The following CDH1 variants were observed in gnomAD, a reference collection of about 807,000 sequenced individuals.
The protein encoded by CDH1 is cadherin-1.
In CDH1, 35 loss-of-function variants were observed where a neutral mutation model predicts 84.5. That is an observed-to-expected ratio of 0.41 (90% CI 0.32 to 0.55). The LOEUF (loss-of-function observed/expected upper bound fraction) is 0.55. Among genes scored for constraint, CDH1 ranks in the 20% least tolerant of loss-of-function variants. CDH1 has a pLI of 0.19. For missense variants in CDH1, 994 were observed against 1,126.6 expected (o/e 0.88, Z 1.68); for synonymous variants, 417 against 439.0 (o/e 0.95, Z 0.63).
rs946369789 is a variant in CDH1 at position 68,833,736 on chromosome 16, A to G, written c.*237A>G. Reference sequence around the variant, plus strand: ...TTTTTTTTTTCCCATCACTCTTTACATGGTGGTGATGTCCAAAAGATACCC... The same window carrying G: ...TTTTTTTTTTCCCATCACTCTTTACGTGGTGGTGATGTCCAAAAGATACCC... On this transcript the variant is annotated 3_prime_UTR_variant, in exon 16 of 16. Transcript: ENST00000261769. The G allele has an allele frequency of 5.6e-6, 3 of 530,988 alleles. No homozygotes were observed. Among genetic ancestry groups the G allele is most frequent in the East Asian group, 3.2e-5 (1 of 31,082 alleles). 32.9% of individuals were successfully genotyped at this position (530,988 alleles called of 1,614,324 possible). A position where few individuals can be genotyped will look rare whatever the true frequency, so the allele number is the denominator to read the frequency against.
chr16:68,813,212 T>C (rs1960886130), intron 8 of CDH1, 101 bp from the exon 9 acceptor site: 1 of 1,236,558 alleles, frequency 8.1e-7, no homozygotes. Context: ...AGATCTTATC[T>C]CAAAAGAACA....
In CDH1 at chr16:68,811,752, G is replaced by A. The variant is rs749056300; in HGVS notation, c.901G>A (p.Ala301Thr). 19 of 1,613,882 alleles carry A rather than the reference G, an allele frequency of 1.2e-5. No homozygotes were observed. The highest frequency in any genetic ancestry group is 1.6e-4 in the Middle Eastern group (1 of 6,084). The change falls in exon 7 of 16, where the codon GCT becomes ACT. Residue 301 changes from alanine (A) to threonine (T), a missense_variant. Transcript: ENST00000261769. ...DDVNTYNAAI[A>T]YTILSQDPEL... ...TGTGAACACCTACAATGCCGCCATC[G>A]CTTACACCATCCTCAGCCAAGATCC...
intron 2 of CDH1, among the ~76,000 whole-genome samples, chr16:68,766,726 G>T (rs11640099): frequency 0.81 from 120,273 of 147,900 alleles, 48,398 homozygotes; most frequent in Non-Finnish European, 0.87. Context: ...GAGTAGTAAG[G>T]TCTAGAACCC....
At chr16:68,758,207 CTTTTTT>C (rs57413297) in intron 2 of CDH1, among the ~76,000 whole-genome samples, 6 of 40,040 alleles carry the variant, frequency 1.5e-4, no homozygotes, top group Admixed American at 6.4e-4. Flanking sequence ...CTTTTTATTT[CTTTTTT>C]TTTTTTTTTT....
At chr16:68,739,935 A>T (rs551410324) in intron 2 of CDH1, among the ~76,000 whole-genome samples, 47 of 152,130 alleles carry the variant, frequency 3.1e-4, no homozygotes, top group African/African-American at 1.1e-3. Context: ...ATCTTTTTTT[A>T]AAAAAAGCAT....
At chr16:68,763,721 G>T (rs1394923087) in intron 2 of CDH1, among the ~76,000 whole-genome samples, 1 of 152,200 alleles carries the variant, frequency 6.6e-6, no homozygotes, top group Non-Finnish European at 1.5e-5. Flanking sequence ...TTGTTTATAG[G>T]CCTTTGCCTG....
intron 2 of CDH1, among the ~76,000 whole-genome samples, chr16:68,757,494 A>C (rs902705629): frequency 3.3e-5 from 5 of 152,108 alleles, no homozygotes; most frequent in African/African-American, 1.2e-4. Flanking sequence ...CCACCATGGG[A>C]GTGTTTAAAT....
At chr16:68,809,205 A>G (rs1287765680) in intron 5 of CDH1, among the ~76,000 whole-genome samples, 1 of 149,764 alleles carries the variant, frequency 6.7e-6, no homozygotes, top group Non-Finnish European at 1.5e-5. Context: ...CAGCAGCAAG[A>G]GCTTAGGAAA....
chr16:68,755,177 G>A (rs936576829), intron 2 of CDH1, among the ~76,000 whole-genome samples: 1 of 151,006 alleles, frequency 6.6e-6, no homozygotes, highest in Admixed American at 6.7e-5. Context: ...CTTGGGAGCT[G>A]GGGTGAGAGG....
intron 2 of CDH1, among the ~76,000 whole-genome samples, chr16:68,757,777 C>T (rs1963051352): frequency 6.8e-6 from 1 of 146,932 alleles, no homozygotes; most frequent in South Asian, 2.2e-4. Context: ...CTCCTTCCTT[C>T]CTTCCTTCCT....
At position 68,834,099 on chromosome 16, in the gene CDH1, G is replaced by T; in HGVS notation, c.*600G>T. The T allele has an allele frequency of 4.9e-6, 2 of 410,136 alleles. No individual in the cohort carries two copies. Among genetic ancestry groups the T allele is most frequent in the Non-Finnish European group, 9.6e-6 (2 of 207,784 alleles). The allele number at this position is 410,136 out of a possible 1,614,324, so 25.4% of individuals were successfully genotyped here. Reference sequence around the variant, plus strand: ...AGCCTCCCAAGTAGCTGGGACCACAGGCATGCACCACTACGCATGACTAAT... The same window carrying T: ...AGCCTCCCAAGTAGCTGGGACCACATGCATGCACCACTACGCATGACTAAT... On this transcript the variant is annotated 3_prime_UTR_variant, in exon 16 of 16. Coordinates refer to ENST00000261769, the MANE Select transcript of CDH1 (RefSeq NM_004360.5).
At chr16:68,830,037 A>G (rs1172235465) in intron 15 of CDH1, among the ~76,000 whole-genome samples, 1 of 148,212 alleles carries the variant, frequency 6.7e-6, no homozygotes, top group Non-Finnish European at 1.5e-5. Context: ...TGCTCACCAC[A>G]ACCTCTGCCC....
In CDH1 at chr16:68,823,498, C is replaced by G; in HGVS notation, c.2036C>G (p.Thr679Ser). 1 of 1,613,960 alleles carries G rather than the reference C, an allele frequency of 6.2e-7. No homozygotes were observed. The highest frequency in any genetic ancestry group is 8.5e-7 in the Non-Finnish European group (1 of 1,179,906). The change falls in exon 13 of 16, where the codon ACC becomes AGC. Residue 679 changes from threonine to serine, a missense_variant. This residue lies in a region of CDH1 where 769 missense variants were observed against 881.8 expected (regional missense o/e 0.87). Coordinates refer to ENST00000261769, the MANE Select transcript of CDH1 (RefSeq NM_004360.5). ...LMDNQNKDQV[T>S]TLEVSVCDCE... ...GATAACCAGAATAAAGACCAAGTGA[C>G]CACCTTAGAGGTCAGCGTGTGTGAC...
rs138051128 is a variant in CDH1, at chr16:68,749,078, C to G, written c.163+10667C>G. Among the ~76,000 whole-genome samples the G allele has an allele frequency of 9.5e-3, 1,451 of 152,272 alleles. 28 individuals are homozygous for G. Among genetic ancestry groups the G allele is most frequent in the African/African-American group, 0.033 (1,367 of 41,552 alleles). ...TCTTGAACTCCTGACCTCAGGTGAT[C>G]CACCTGCCTTGGCCTCCCAAAGTGC... On this transcript the variant is annotated intron_variant, in intron 2 of 15. Coordinates refer to ENST00000261769, the MANE Select transcript of CDH1 (RefSeq NM_004360.5).
At chr16:68,832,609 C>A (rs1193248650) in intron 15 of CDH1, among the ~76,000 whole-genome samples, 1 of 152,124 alleles carries the variant, frequency 6.6e-6, no homozygotes, top group Non-Finnish European at 1.5e-5. Context: ...CACCTGAGAT[C>A]AGGAGTTAGA....
chr16:68,796,511 C>T (rs544119702), intron 2 of CDH1, among the ~76,000 whole-genome samples: 3 of 152,298 alleles, frequency 2.0e-5, no homozygotes, highest in African/African-American at 4.8e-5. Flanking sequence ...GGGACTGTTC[C>T]GTGTGGCATG....
rs1961075798 is a variant in CDH1, at chr16:68,819,340, T to G, written c.1626T>G (p.Ile542Met). 1 of 1,614,142 alleles carries G rather than the reference T, an allele frequency of 6.2e-7. No individual in the cohort carries two copies. The highest frequency in any genetic ancestry group is 1.1e-5 in the South Asian group (1 of 91,076). Reference protein sequence around the residue: ...WLEINPDTGAISTRAELDRED... With the variant: ...WLEINPDTGAMSTRAELDRED... Reference sequence around the variant, plus strand: ...AGATTAATCCGGACACTGGTGCCATTTCCACTCGGGCTGAGCTGGACAGGG... The same window carrying G: ...AGATTAATCCGGACACTGGTGCCATGTCCACTCGGGCTGAGCTGGACAGGG... The change falls in exon 11 of 16, where the codon ATT becomes ATG. Residue 542 changes from isoleucine (I) to methionine (M), a missense_variant. Ile to Met is a conservative substitution (Grantham distance 10, BLOSUM62 1). Around this residue, in one of 3 missense-constraint regions of CDH1, gnomAD observed 769 missense variants for 881.8 expected, o/e 0.87. Coordinates refer to ENST00000261769, the MANE Select transcript of CDH1 (RefSeq NM_004360.5).
chr16:68,767,981 G>A (rs933119772), intron 2 of CDH1, among the ~76,000 whole-genome samples: 1 of 150,720 alleles, frequency 6.6e-6, no homozygotes, highest in Non-Finnish European at 1.5e-5. Context: ...TTGAGATGGA[G>A]CTTTGCTCTT....
intron 2 of CDH1, chr16:68,763,162 G>A (rs1259596671): frequency 6.6e-6 from 1 of 152,140 alleles, no homozygotes. Context: ...TGCGTGCTTA[G>A]TACCAGCCAG....
Sources: gnomAD v4.1 joint callset for allele counts (sites outside exome capture counted in the v4.1 genomes callset) on GRCh38, gnomAD v4.1.1 for gene constraint, gnomAD v4.1.1 regional missense constraint, MANE v1.5 for transcripts, NCBI Gene and HGNC (gene_info 2026-07-23, HGNC 2026-07-21) for gene names.